The following F11 variants were observed in gnomAD, a reference collection of about 807,000 sequenced individuals.
F11 encodes the protein coagualtion factor XI.
A neutral mutation model predicts 76.5 loss-of-function variants in F11; 78 were observed. The ratio of observed to expected loss-of-function variants is 1.02; its 90% CI spans 0.85 to 1.23. The LOEUF is 1.23. Among genes scored for constraint, F11 ranks in the 50% most tolerant of loss-of-function variants. The pLI is 0.00. For synonymous variants in F11, 278 were observed against 276.3 expected, an observed-to-expected ratio of 1.01 and a Z score of -0.06; for missense variants, 742 against 771.4, an observed-to-expected ratio of 0.96 and a Z score of 0.45.
intron 3 of F11, among the ~76,000 whole-genome samples, chr4:186,272,612 A>T (rs1400213600): frequency 6.6e-6 from 1 of 152,244 alleles, no homozygotes; most frequent in Non-Finnish European, 1.5e-5. Context: ...TATAAAATTT[A>T]CTATTCCAGA....
intron 14 of F11, among the ~76,000 whole-genome samples, chr4:186,288,075 CT>C (rs140874355): frequency 2.4e-3 from 344 of 145,286 alleles, no homozygotes; most frequent in Admixed American, 2.6e-3. Flanking sequence ...CAGCTAGCGT[CT>C]TTTTTTTTTT....
At chr4:186,282,666 C>T in intron 10 of F11, 1 of 985,250 alleles carries the variant, frequency 1.0e-6, no homozygotes, top group Non-Finnish European at 1.2e-6. Context: ...ATTAATTTTC[C>T]TAAAATTTAC....
intron 1 of F11, among the ~76,000 whole-genome samples, chr4:186,266,661 G>A (rs916685124): frequency 3.9e-5 from 6 of 152,118 alleles, no homozygotes; most frequent in African/African-American, 7.2e-5. Context: ...CAAGACAATC[G>A]ATTAATGTAT....
At chr4:186,266,739 T>A (rs1186428936) in intron 1 of F11, among the ~76,000 whole-genome samples, 1 of 151,838 alleles carries the variant, frequency 6.6e-6, no homozygotes, top group African/African-American at 2.4e-5. Flanking sequence ...TTGAAAGATA[T>A]AGGGAGAGGC....
chr4:186,278,327 C>T (rs966225992), intron 7 of F11, among the ~76,000 whole-genome samples: 1 of 152,180 alleles, frequency 6.6e-6, no homozygotes, highest in Non-Finnish European at 1.5e-5. Flanking sequence ...CTGAGTGAGG[C>T]TGTCATTTCA....
rs1035927270 is a variant in F11, at chr4:186,279,876, T to C, written c.756-136T>C. Reference sequence around the variant, plus strand: ...TTTATGGGTGTAACTCCGTGGTTTATGAAGAGTACTTTCAAAATAGGAAAA... The same window carrying C: ...TTTATGGGTGTAACTCCGTGGTTTACGAAGAGTACTTTCAAAATAGGAAAA... On this transcript the variant is annotated intron_variant, in intron 7 of 14. Transcript: ENST00000403665. 9.5e-6 allele frequency: 7 copies of C among 737,526 alleles called. No individual in the cohort carries two copies. In the African/African-American group the frequency reaches 1.0e-4, roughly 11 times the overall value. 45.7% of individuals were successfully genotyped at this position (737,526 alleles called of 1,614,324 possible).
intron 3 of F11, 147 bp downstream of exon 3, chr4:186,271,918 A>G: frequency 9.9e-7 from 1 of 1,006,642 alleles, no homozygotes; most frequent in East Asian, 2.6e-5. Context: ...TTACAGAAAG[A>G]AGTGATGGTG....
intron 10 of F11, chr4:186,283,204 G>A (rs531809297): frequency 4.9e-6 from 1 of 204,894 alleles, no homozygotes; most frequent in South Asian, 1.7e-4. Flanking sequence ...GAGTCGCATA[G>A]GTGTGTGCGT....
At chr4:186,273,845 G>A (rs1740165035) in intron 4 of F11, among the ~76,000 whole-genome samples, 1 of 152,210 alleles carries the variant, frequency 6.6e-6, no homozygotes, top group South Asian at 2.1e-4. Flanking sequence ...CAGTTAATTA[G>A]CGAAATAATC....
chr4:186,287,215 C>T lies in F11; in HGVS notation c.1577-469C>T, dbSNP rs545011257. Among the ~76,000 whole-genome samples, 3 of 151,958 alleles carry T rather than the reference C, an allele frequency of 2.0e-5. 1 individual carries two copies. The South Asian group carries it at 6.3e-4, about 32-fold the overall frequency. ...GGTCTCAATCTCCTGACCTCGTGAT[C>T]CACCTGCCTCGGCCTTCCAAAGTGC... On this transcript the variant is annotated intron_variant, in intron 13 of 14. Transcript: ENST00000403665.
chr4:186,281,694 A>G (rs1405412561), intron 10 of F11, among the ~76,000 whole-genome samples: 1 of 152,332 alleles, frequency 6.6e-6, no homozygotes, highest in Admixed American at 6.5e-5. Context: ...TATACTGTTT[A>G]TTGCCAAATG....
chr4:186,276,604 T>TG (rs869267897), intron 7 of F11, among the ~76,000 whole-genome samples: 100 of 112,978 alleles, frequency 8.9e-4, no homozygotes, highest in African/African-American at 3.1e-3. Context: ...TTTTTTTTTT[T>TG]GAGATGGAGT....
rs1276698507 is a variant in F11, at chr4:186,288,349, G to A, written c.1717-104G>A. ...CCAGGTTCTCTGCAGTATATTAAGG[G>A]GCCAAGACAACATTTTAGGCAAAAT... is the stretch of plus-strand genomic sequence containing the variant. On this transcript the variant is annotated intron_variant, in intron 14 of 14. Coordinates refer to ENST00000403665, the MANE Select transcript of F11 (RefSeq NM_000128.4). The A allele has an allele frequency of 8.4e-6, 12 of 1,430,382 alleles. No individual in the cohort carries two copies. The Admixed American group carries it at 2.0e-4, about 24-fold the overall frequency. 88.6% of individuals were successfully genotyped at this position (1,430,382 alleles called of 1,614,324 possible). A position where few individuals can be genotyped will look rare whatever the true frequency, so the allele number is the denominator to read the frequency against.
chr4:186,280,933 AC>A (rs1311440694), intron 10 of F11, among the ~76,000 whole-genome samples: 1 of 139,850 alleles, frequency 7.2e-6, no homozygotes, highest in Non-Finnish European at 1.5e-5. Context: ...GTCAGTGTTC[AC>A]TGCAGCCTCT....
chr4:186,272,935 T>C (rs1228423825), intron 3 of F11, 136 bp from the exon 4 acceptor site: 3 of 633,024 alleles, frequency 4.7e-6, no homozygotes, highest in Non-Finnish European at 8.5e-6. Context: ...AGAATCTTGC[T>C]AAGAAAATAT....
At position 186,285,618 on chromosome 4, in the gene F11, C is replaced by G; in HGVS notation, c.1305-20C>G. 1 of 1,612,888 alleles carries G rather than the reference C, an allele frequency of 6.2e-7. No individual in the cohort carries two copies. The highest frequency in any genetic ancestry group is 8.5e-7 in the Non-Finnish European group (1 of 1,179,072). On this transcript the variant is annotated intron_variant, in intron 11 of 14. Coordinates refer to ENST00000403665, the MANE Select transcript of F11 (RefSeq NM_000128.4). ...TTTTTAGTAAAGGAAATTTCTTTCC[C>G]TCTGTTGTTTGCTCCTTAGGGTAGA...
chr4:186,284,401 C>T (rs758948618), intron 11 of F11, 141 bp downstream of exon 11: 50 of 891,868 alleles, frequency 5.6e-5, no homozygotes, highest in Middle Eastern at 3.4e-4. Flanking sequence ...TGGTAAAAAA[C>T]GCAAAAAGGA....
intron 4 of F11, among the ~76,000 whole-genome samples, chr4:186,273,645 G>T (rs557457892): frequency 6.6e-6 from 1 of 152,212 alleles, no homozygotes; most frequent in South Asian, 2.1e-4. Flanking sequence ...TAGAGACAGG[G>T]TCTCACTGTA....
At chr4:186,283,257 G>A (rs1447863357) in intron 10 of F11, among the ~76,000 whole-genome samples, 1 of 151,998 alleles carries the variant, frequency 6.6e-6, no homozygotes, top group Non-Finnish European at 1.5e-5. Flanking sequence ...GTGCACGTGT[G>A]TGTGTGTGTG....
Sources: gnomAD v4.1 joint callset for allele counts (sites outside exome capture counted in the v4.1 genomes callset) on GRCh38, gnomAD v4.1.1 for gene constraint, MANE v1.5 for transcripts, NCBI Gene and HGNC (gene_info 2026-07-23, HGNC 2026-07-21) for gene names.